The following XRCC2 variants were observed in gnomAD, a reference collection of about 807,000 sequenced individuals.
The protein encoded by XRCC2 is X-ray repair cross complementing 2.
A neutral mutation model predicts 27.3 loss-of-function variants in XRCC2; 24 were observed. The observed-to-expected ratio is 0.88, with a 90% CI of 0.64 to 1.24. The LOEUF (loss-of-function observed/expected upper bound fraction) is 1.24, where lower values mean the gene tolerates loss of function less well. XRCC2 is among the 50% of genes most tolerant of loss of function. The pLI is 0.00. For synonymous variants in XRCC2, 106 were observed against 115.4 expected (o/e 0.92, Z 0.52); for missense variants, 321 against 325.8 (o/e 0.99, Z 0.11).
chr7:152,672,604 G>T (rs3218400), intron 1 of XRCC2, among the ~76,000 whole-genome samples: 10,462 of 152,226 alleles, frequency 0.069, 434 homozygotes, highest in Middle Eastern at 0.12. Flanking sequence ...TGAACTTCCA[G>T]TCCAATATTC....
At chr7:152,659,021 T>C (rs988304825) in intron 2 of XRCC2, among the ~76,000 whole-genome samples, 2 of 152,246 alleles carry the variant, frequency 1.3e-5, no homozygotes, top group Non-Finnish European at 2.9e-5. Flanking sequence ...GGTAGCTCTA[T>C]TTTTAATTGT....
chr7:152,674,396 G>A (rs1005924913), intron 1 of XRCC2, among the ~76,000 whole-genome samples: 3 of 152,058 alleles, frequency 2.0e-5, no homozygotes, highest in Admixed American at 1.3e-4. Flanking sequence ...CGGATCACCT[G>A]AGGTCAGGAG....
intron 1 of XRCC2, among the ~76,000 whole-genome samples, chr7:152,672,792 GTTAGTTTT>G (rs2098038674): frequency 2.6e-5 from 4 of 152,098 alleles, no homozygotes; most frequent in Admixed American, 2.6e-4. Context: ...ATATAATGGA[GTTAGTTTT>G]TTAAAGAAAA....
chr7:152,673,137 T>C (rs977656522), intron 1 of XRCC2, among the ~76,000 whole-genome samples: 2 of 152,200 alleles, frequency 1.3e-5, no homozygotes, highest in Admixed American at 6.5e-5. Context: ...TTTTCCACTC[T>C]CCACCTGGCT....
At chr7:152,662,754 T>C (rs2098033716) in intron 1 of XRCC2, among the ~76,000 whole-genome samples, 1 of 151,180 alleles carries the variant, frequency 6.6e-6, no homozygotes, top group South Asian at 2.1e-4. Flanking sequence ...TTTGTATTTT[T>C]AGTAGAGACG....
At chr7:152,667,712 C>T (rs2098036540) in intron 1 of XRCC2, among the ~76,000 whole-genome samples, 1 of 152,020 alleles carries the variant, frequency 6.6e-6, no homozygotes, top group Admixed American at 6.6e-5. Context: ...TAACAATTCA[C>T]AAGCCAAGCA....
intron 1 of XRCC2, among the ~76,000 whole-genome samples, chr7:152,672,488 A>G (rs942840885): frequency 3.9e-5 from 6 of 152,212 alleles, no homozygotes; most frequent in Non-Finnish European, 7.3e-5. Flanking sequence ...ATGAGCTGTA[A>G]GGGAACTGAG....
intron 1 of XRCC2, among the ~76,000 whole-genome samples, chr7:152,662,756 G>A (rs1056524577): frequency 6.0e-5 from 9 of 150,926 alleles, no homozygotes; most frequent in African/African-American, 2.2e-4. Flanking sequence ...TGTATTTTTA[G>A]TAGAGACGGG....
In XRCC2 at chr7:152,666,616, C is replaced by A. The variant is rs527919462; in HGVS notation, c.40-5834G>T. 4.2e-5 allele frequency among the ~76,000 whole-genome samples: 6 copies of A among 143,570 alleles called. No individual in the cohort carries two copies. In the South Asian group the frequency reaches 7.0e-4, roughly 17 times the overall value. The allele number at this position is 143,570 out of a possible 152,430, so 94.2% of individuals were successfully genotyped here. On this transcript the variant is annotated intron_variant, in intron 1 of 2. Coordinates refer to ENST00000359321, the MANE Select transcript of XRCC2 (RefSeq NM_005431.2). ...TATAACTCAAAGAAAAATACAGATT[C>A]TTTATTTTTTTTTTTTTTTGAGACA...
chr7:152,676,130 C>G lies in XRCC2; in HGVS notation c.-51G>C. 6.2e-7 allele frequency: 1 copy of G among 1,612,450 alleles called. No homozygotes were observed. Among genetic ancestry groups the G allele is most frequent in the Non-Finnish European group, 8.5e-7 (1 of 1,178,994 alleles). On this transcript the variant is annotated 5_prime_UTR_variant, in exon 1 of 3. An upstream start codon of the reference 5' UTR is lost. Coordinates refer to ENST00000359321, the MANE Select transcript of XRCC2 (RefSeq NM_005431.2). ...GACTCAACTTTCCCGCCACCAACGC[C>G]ATTCACCAACTGCGCAGACTCTACG...
chr7:152,648,483 G>T lies in XRCC2; in HGVS notation c.*159C>A. ...CGCCTGTAATCCCTGCACTCTAGGA[G>T]GCACACATAGGAGGATCCCTTGAGG... On this transcript the variant is annotated 3_prime_UTR_variant, in exon 3 of 3. Transcript: ENST00000359321. 1.4e-6 allele frequency: 1 copy of T among 699,804 alleles called. No individual in the cohort carries two copies. Among genetic ancestry groups the T allele is most frequent in the Non-Finnish European group, 2.2e-6 (1 of 447,964 alleles). 43.3% of individuals were successfully genotyped at this position (699,804 alleles called of 1,614,324 possible).
At chr7:152,658,609 T>C (rs1389236696) in intron 2 of XRCC2, among the ~76,000 whole-genome samples, 1 of 152,252 alleles carries the variant, frequency 6.6e-6, no homozygotes, top group Non-Finnish European at 1.5e-5. Flanking sequence ...CCCCAGCTCC[T>C]GGTAACTACC....
intron 1 of XRCC2, among the ~76,000 whole-genome samples, chr7:152,670,178 T>C (rs1388270736): frequency 6.6e-6 from 1 of 152,192 alleles, no homozygotes; most frequent in East Asian, 1.9e-4. Flanking sequence ...CTAAATTCCC[T>C]ACTGAATGAA....
At chr7:152,672,176 A>C (rs1563034436) in intron 1 of XRCC2, among the ~76,000 whole-genome samples, 1 of 152,214 alleles carries the variant, frequency 6.6e-6, no homozygotes, top group Admixed American at 6.5e-5. Context: ...TAGAGGTGTT[A>C]AGAGGCAAGT....
chr7:152,649,290 A>G lies in XRCC2; in HGVS notation c.195T>C (p.Cys65=). ...GGCCACCTTCTGATTTGGGAAGTAT[A>G]CATCGTGCTGTTAGGTGATAAAGCA... ...TEMLYHLTAR[C]ILPKSEGGLE... The change falls in exon 3 of 3, where the codon TGT becomes TGC. Residue 65 remains cysteine (C), a synonymous_variant. Transcript: ENST00000359321. The G allele has an allele frequency of 6.2e-7, 1 of 1,613,504 alleles. No individual in the cohort carries two copies. Among genetic ancestry groups the G allele is most frequent in the South Asian group, 1.1e-5 (1 of 91,012 alleles).
At chr7:152,664,619 C>T (rs3218451) in intron 1 of XRCC2, among the ~76,000 whole-genome samples, 2,515 of 152,288 alleles carry the variant, frequency 0.017, 31 homozygotes, top group Middle Eastern at 0.031. Flanking sequence ...TCTCCTGGCT[C>T]TCAGCCCTTC....
At chr7:152,654,400 G>C (rs1055005013) in intron 2 of XRCC2, among the ~76,000 whole-genome samples, 7 of 152,008 alleles carry the variant, frequency 4.6e-5, no homozygotes, top group African/African-American at 1.7e-4. Flanking sequence ...AGCTAAAACA[G>C]AAATTTAATA....
intron 1 of XRCC2, among the ~76,000 whole-genome samples, chr7:152,665,302 G>A (rs1468114779): frequency 6.6e-6 from 1 of 152,010 alleles, no homozygotes; most frequent in East Asian, 1.9e-4. Context: ...TGCTGCCCTG[G>A]TAACAATGTG....
intron 2 of XRCC2, among the ~76,000 whole-genome samples, chr7:152,654,360 T>C (rs576394476): frequency 6.6e-6 from 1 of 152,176 alleles, no homozygotes; most frequent in East Asian, 1.9e-4. Flanking sequence ...TTTTGAGATA[T>C]ATCCACAGTT....
Sources: gnomAD v4.1 joint callset for allele counts (sites outside exome capture counted in the v4.1 genomes callset) on GRCh38, gnomAD v4.1.1 for gene constraint, MANE v1.5 for transcripts, NCBI Gene and HGNC (gene_info 2026-07-23, HGNC 2026-07-21) for gene names.